Variants in TMEM117 observed in about 807,000 individuals in gnomAD.
TMEM117 encodes the protein transmembrane protein 117.
A neutral mutation model predicts 52.4 loss-of-function variants in TMEM117; 27 were observed. That is an observed-to-expected ratio of 0.51 (90% confidence interval 0.38 to 0.71). The LOEUF is 0.71. Among genes scored for constraint, TMEM117 ranks in the 30% least tolerant of loss-of-function variants. The probability of loss-of-function intolerance (pLI) is 0.00; values close to 1 mark genes in which losing one functional copy is unlikely to be tolerated. For synonymous variants in TMEM117, 215 were observed against 206.3 expected (o/e 1.04, Z -0.36); for missense variants, 556 against 630.5 (o/e 0.88, Z 1.26).
chr12:44,071,137 TA>T (rs1239019399), intron 3 of TMEM117, among the ~76,000 whole-genome samples: 2 of 152,250 alleles, frequency 1.3e-5, no homozygotes, highest in Non-Finnish European at 2.9e-5. Context: ...CTTTGTTTTT[TA>T]ACTAACCCTG....
chr12:44,211,393 A>G lies in TMEM117; in HGVS notation c.608+6A>G. 1 of 1,586,918 alleles carries G rather than the reference A, an allele frequency of 6.3e-7. No homozygotes were observed. Among genetic ancestry groups the G allele is most frequent in the Non-Finnish European group, 8.6e-7 (1 of 1,161,764 alleles). The stretch of plus-strand genomic sequence containing the variant: ...GTTAGGATCACTTTATTCTGGTAGG[A>G]AATTGTTTCACTTATTTATTTCTGC... On this transcript the variant is annotated splice_donor_region_variant and intron_variant, in intron 5 of 7. Coordinates refer to ENST00000266534, the MANE Select transcript of TMEM117 (RefSeq NM_032256.3).
At chr12:43,914,173 C>T (rs1229246025) in intron 2 of TMEM117, among the ~76,000 whole-genome samples, 1 of 152,022 alleles carries the variant, frequency 6.6e-6, no homozygotes, top group African/African-American at 2.4e-5. Context: ...GGGGGACATG[C>T]AGCAGCTTCG....
At chr12:44,353,412 G>C (rs1040160811) in intron 6 of TMEM117, among the ~76,000 whole-genome samples, 3 of 152,108 alleles carry the variant, frequency 2.0e-5, no homozygotes, top group African/African-American at 7.2e-5. Context: ...TTTTCTTGTA[G>C]GGTTTTTATG....
chr12:44,127,409 G>A (rs918250096), intron 3 of TMEM117, among the ~76,000 whole-genome samples: 1 of 152,074 alleles, frequency 6.6e-6, no homozygotes, highest in Non-Finnish European at 1.5e-5. Context: ...GGTCACGGTG[G>A]CGCGTGCCTG....
intron 4 of TMEM117, among the ~76,000 whole-genome samples, chr12:44,207,820 C>T (rs1410943501): frequency 6.6e-6 from 1 of 151,602 alleles, no homozygotes; most frequent in Non-Finnish European, 1.5e-5. Context: ...AAAAAACCTA[C>T]TAAGAAATAT....
chr12:43,818,174 A>C, the TMEM117 span, among the ~76,000 whole-genome samples: 4 of 152,182 alleles, frequency 2.6e-5, no homozygotes, highest in Admixed American at 6.5e-5. Context: ...TTGCAAACAA[A>C]GTTATACAAA....
At chr12:43,893,860 T>C (rs1419274782) in intron 2 of TMEM117, among the ~76,000 whole-genome samples, 1 of 152,186 alleles carries the variant, frequency 6.6e-6, no homozygotes, top group African/African-American at 2.4e-5. Flanking sequence ...TCAGCTGAAG[T>C]AGCTGGGACT....
At chr12:43,949,178 C>T (rs143654649) in intron 3 of TMEM117, among the ~76,000 whole-genome samples, 6 of 152,056 alleles carry the variant, frequency 3.9e-5, no homozygotes, top group African/African-American at 1.2e-4. Context: ...GAGACTGAGA[C>T]AAGTTTCAGA....
intron 4 of TMEM117, among the ~76,000 whole-genome samples, chr12:44,192,471 C>T (rs752215881): frequency 6.6e-6 from 1 of 152,174 alleles, no homozygotes; most frequent in Non-Finnish European, 1.5e-5. Context: ...GTGCCTGCTT[C>T]ACCATTTGTG....
intron 3 of TMEM117, among the ~76,000 whole-genome samples, chr12:43,972,300 T>A (rs1945601024): frequency 6.6e-6 from 1 of 152,212 alleles, no homozygotes; most frequent in African/African-American, 2.4e-5. Context: ...GGGGTGGGGA[T>A]GTTTCTGTGT....
chr12:43,923,543 C>T (rs901582584), intron 2 of TMEM117, among the ~76,000 whole-genome samples: 1 of 152,074 alleles, frequency 6.6e-6, no homozygotes, highest in African/African-American at 2.4e-5. Flanking sequence ...AAACTCATCA[C>T]GTTATTACTT....
chr12:44,063,502 T>C (rs926082660), intron 3 of TMEM117, among the ~76,000 whole-genome samples: 4 of 152,092 alleles, frequency 2.6e-5, no homozygotes, highest in Admixed American at 2.6e-4. Flanking sequence ...AGTTCTAGGG[T>C]ACATGTGCAC....
intron 4 of TMEM117, among the ~76,000 whole-genome samples, chr12:44,145,104 C>CCGAGAT (rs1948624812): frequency 6.6e-6 from 1 of 152,190 alleles, no homozygotes; most frequent in Admixed American, 6.5e-5. Context: ...TTGCAGTGAG[C>CCGAGAT]CGAGATCGCG....
At chr12:44,332,734 CACACACACACACACAG>C (rs1306617734) in intron 6 of TMEM117, among the ~76,000 whole-genome samples, 1 of 151,438 alleles carries the variant, frequency 6.6e-6, no homozygotes, top group Non-Finnish European at 1.5e-5. Flanking sequence ...CACACACACA[CACACACACACACACAG>C]ACACACACAC....
Position 44,299,695 on chromosome 12 carries a change from C to T in TMEM117, c.724C>T (p.Leu242Phe), listed in dbSNP as rs1950815283. 1.9e-6 allele frequency: 3 copies of T among 1,613,976 alleles called. No homozygotes were observed. The South Asian group carries it at 3.3e-5, about 18-fold the overall frequency. The change falls in exon 6 of 8, where the codon CTT becomes TTT. Residue 242 changes from leucine (L) to phenylalanine (F), a missense_variant. By Grantham distance (22) the Leu-to-Phe change is conservative. Transcript: ENST00000266534. ...CAGTGATGAAGTTTCCAGAGCATTCCTTGCTTCTTTTATCTTGGTCTTTGA... is the reference window on the plus strand; with the variant it reads ...CAGTGATGAAGTTTCCAGAGCATTCTTTGCTTCTTTTATCTTGGTCTTTGA... ...LPSDEVSRAF[L>F]ASFILVFDLL... is the part of the protein sequence containing the mutation.
chr12:44,161,304 T>A (rs1948895190), intron 4 of TMEM117, among the ~76,000 whole-genome samples: 2 of 152,170 alleles, frequency 1.3e-5, no homozygotes, highest in Admixed American at 1.3e-4. Context: ...GAATGTTGAA[T>A]TTGCATACAG....
intron 2 of TMEM117, among the ~76,000 whole-genome samples, chr12:43,874,489 G>A (rs1226146411): frequency 6.6e-6 from 1 of 152,090 alleles, no homozygotes; most frequent in East Asian, 1.9e-4. Context: ...TACTCAGGAG[G>A]CTGAGGCAGG....
chr12:44,199,383 G>A (rs1949462654), intron 4 of TMEM117, among the ~76,000 whole-genome samples: 1 of 152,054 alleles, frequency 6.6e-6, no homozygotes, highest in Non-Finnish European at 1.5e-5. Flanking sequence ...TGAAAGCTTG[G>A]CATTAATTGG....
At chr12:43,831,450 TC>T (rs1318541791), upstream of TMEM117, among the ~76,000 whole-genome samples, 24 of 152,018 alleles carry the variant, frequency 1.6e-4, no homozygotes, top group Admixed American at 9.2e-4. Flanking sequence ...CTTGTCTTTT[TC>T]TTTTTTTTTT....
Sources: allele counts gnomAD v4.1 joint callset (sites outside exome capture counted in the v4.1 genomes callset), GRCh38; gene constraint gnomAD v4.1.1; transcripts MANE v1.5; gene names NCBI Gene and HGNC (gene_info 2026-07-23, HGNC 2026-07-21).